Variants in KIAA1671 observed in about 807,000 individuals in gnomAD.
The protein encoded by KIAA1671 is KIAA1671.
KIAA1671 carries 52 observed loss-of-function variants against 131.2 expected under a neutral mutation model. The ratio of observed to expected loss-of-function variants is 0.40; its 90% CI spans 0.32 to 0.50. The LOEUF (loss-of-function observed/expected upper bound fraction) is 0.50, where lower values mean the gene tolerates loss of function less well. KIAA1671 is among the 20% of genes least tolerant of loss of function. KIAA1671 has a pLI of 0.73. For missense variants in KIAA1671, 2,360 were observed against 2,364.2 expected (o/e 1.00, Z 0.04); for synonymous variants, 1,003 against 961.6 (o/e 1.04, Z -0.80).
In KIAA1671 at chr22:24,986,996, G is replaced by A. The variant is rs146133558; in HGVS notation, c.-208+34224G>A. ...ACCTCTGTCACACCTGCTGACCTCC[G>A]CCGTTTACTGCACAAGCAGCCCAGA... On this transcript the variant is annotated intron_variant, in intron 1 of 12. Coordinates refer to ENST00000358431, the MANE Select transcript of KIAA1671 (RefSeq NM_001145206.2). 4.0e-3 allele frequency among the ~76,000 whole-genome samples: 601 copies of A among 151,938 alleles called. 2 individuals are homozygous for A. Among genetic ancestry groups the A allele is most frequent in the Non-Finnish European group, 7.2e-3 (490 of 67,966 alleles).
chr22:24,997,916 T>G (rs1342842637), intron 1 of KIAA1671, among the ~76,000 whole-genome samples: 2 of 152,158 alleles, frequency 1.3e-5, no homozygotes, highest in East Asian at 3.9e-4. Context: ...ACCCTAGAGC[T>G]CACTTCATAT....
Position 25,032,645 on chromosome 22 carries a change from T to C in KIAA1671, c.1578T>C (p.Tyr526=), listed in dbSNP as rs1340809901. The part of the protein sequence containing the change: ...SSSASSNEVK[Y]EKSAELSGEF... Reference sequence around the variant, plus strand: ...CAGCTTCCAGCAACGAAGTCAAATATGAGAAGAGTGCTGAGCTGAGCGGCG... The same window carrying C: ...CAGCTTCCAGCAACGAAGTCAAATACGAGAAGAGTGCTGAGCTGAGCGGCG... The change falls in exon 4 of 13, where the codon TAT becomes TAC. Residue 526 remains tyrosine (Y), a synonymous_variant. Transcript: ENST00000358431. The C allele has an allele frequency of 2.6e-6, 4 of 1,547,446 alleles. No homozygotes were observed. The highest frequency in any genetic ancestry group is 1.4e-5 in the African/African-American group (1 of 73,068).
At chr22:24,980,694 CA>C (rs1417641374) in intron 1 of KIAA1671, among the ~76,000 whole-genome samples, 2 of 152,134 alleles carry the variant, frequency 1.3e-5, no homozygotes, top group African/African-American at 4.8e-5. Flanking sequence ...TTCATACCAA[CA>C]GTGCACAAGT....
chr22:25,170,928 A>G lies in KIAA1671; in HGVS notation c.4639A>G (p.Ser1547Gly). ...QYGTWTEQCQ[S>G]GESLATESPD... ...TGGGACGTGGACAGAGCAGTGCCAGAGTGGGGAGAGGTAGGACGCGTGCGA... is the reference window on the plus strand; with the variant it reads ...TGGGACGTGGACAGAGCAGTGCCAGGGTGGGGAGAGGTAGGACGCGTGCGA... Residue 1547 changes from serine to glycine, a missense_variant, in exon 7 of 13, where the codon AGT becomes GGT. This residue lies in a region of KIAA1671 where 1,161 missense variants were observed against 1,204.7 expected (regional missense o/e 0.96). Coordinates refer to ENST00000358431, the MANE Select transcript of KIAA1671 (RefSeq NM_001145206.2). 1.3e-6 allele frequency: 2 copies of G among 1,551,580 alleles called. No individual in the cohort carries two copies. Among genetic ancestry groups the G allele is most frequent in the Admixed American group, 2.0e-5 (1 of 50,978 alleles).
intron 1 of KIAA1671, among the ~76,000 whole-genome samples, chr22:24,980,748 T>A (rs1467710626): frequency 6.6e-6 from 1 of 151,884 alleles, no homozygotes; most frequent in Non-Finnish European, 1.5e-5. Flanking sequence ...GTTGTTATTA[T>A]TATTTTTTTT....
At chr22:24,954,728 A>G (rs1051943346) in intron 1 of KIAA1671, among the ~76,000 whole-genome samples, 1 of 151,390 alleles carries the variant, frequency 6.6e-6, no homozygotes, top group East Asian at 1.9e-4. Flanking sequence ...AGCTGCCCCT[A>G]CCCCCACTGG....
chr22:25,086,731 T>G (rs1396951886), intron 6 of KIAA1671, among the ~76,000 whole-genome samples: 3 of 152,176 alleles, frequency 2.0e-5, no homozygotes, highest in African/African-American at 7.2e-5. Flanking sequence ...GCCAGAGAGC[T>G]GTTTCCATAT....
At chr22:25,034,691 G>A (rs1312091870) in intron 4 of KIAA1671, among the ~76,000 whole-genome samples, 1 of 151,888 alleles carries the variant, frequency 6.6e-6, no homozygotes, top group Non-Finnish European at 1.5e-5. Flanking sequence ...CTTTGTAAGA[G>A]CTTCTATTTC....
chr22:24,959,834 C>T (rs559857380), intron 1 of KIAA1671, among the ~76,000 whole-genome samples: 3 of 152,182 alleles, frequency 2.0e-5, no homozygotes, highest in African/African-American at 7.2e-5. Flanking sequence ...ATAGCCATGT[C>T]TCCATTAAGA....
At chr22:25,059,624 CAG>C (rs1397778094) in intron 6 of KIAA1671, 1 of 152,282 alleles carries the variant, frequency 6.6e-6, no homozygotes, top group African/African-American at 2.4e-5. Flanking sequence ...GGCCTGGTGG[CAG>C]GGGAACTAGA....
chr22:25,141,671 CTT>C (rs1459059549), intron 6 of KIAA1671, among the ~76,000 whole-genome samples: 1 of 152,168 alleles, frequency 6.6e-6, no homozygotes, highest in African/African-American at 2.4e-5. Context: ...TGACATATCT[CTT>C]TTCTAACTAC....
intron 9 of KIAA1671, among the ~76,000 whole-genome samples, chr22:25,178,128 G>A (rs1325728546): frequency 6.6e-6 from 1 of 152,194 alleles, no homozygotes; most frequent in Non-Finnish European, 1.5e-5. Context: ...CTGTGGAGAA[G>A]TGGGGGATGC....
intron 6 of KIAA1671, chr22:25,051,248 G>A (rs1927516701): frequency 6.6e-6 from 1 of 152,336 alleles, no homozygotes; most frequent in South Asian, 2.1e-4. Flanking sequence ...CAAGGAGGAG[G>A]TGGTGTTCAG....
intron 6 of KIAA1671, among the ~76,000 whole-genome samples, chr22:25,067,445 C>T (rs530899520): frequency 9.3e-4 from 141 of 152,162 alleles, no homozygotes; most frequent in Middle Eastern, 3.4e-3. Context: ...CCCTGCCTGT[C>T]GCTCTCCCAT....
intron 6 of KIAA1671, among the ~76,000 whole-genome samples, chr22:25,085,792 A>T: frequency 1.0e-5 from 1 of 99,746 alleles, no homozygotes; most frequent in Non-Finnish European, 2.0e-5. Flanking sequence ...GAAGGGAGGG[A>T]GGGAGGGAGG....
At chr22:24,997,493 C>T (rs563231756) in intron 1 of KIAA1671, among the ~76,000 whole-genome samples, 9 of 152,064 alleles carry the variant, frequency 5.9e-5, no homozygotes, top group Admixed American at 1.3e-4. Flanking sequence ...TGTCGATGTC[C>T]GGGATAAGTG....
At chr22:25,025,859 G>C (rs1925920864) in intron 2 of KIAA1671, 75 bp downstream of exon 2, 1 of 152,280 alleles carries the variant, frequency 6.6e-6, no homozygotes, top group East Asian at 1.9e-4. Context: ...TGTGAGTTCT[G>C]CCAGAGAATT....
chr22:25,082,981 T>C (rs1929491634), intron 6 of KIAA1671, among the ~76,000 whole-genome samples: 1 of 152,244 alleles, frequency 6.6e-6, no homozygotes, highest in African/African-American at 2.4e-5. Context: ...GTTGACCTAA[T>C]ATTTTGTTGC....
chr22:25,185,020 C>T lies in KIAA1671; in HGVS notation c.5243C>T (p.Thr1748Ile), dbSNP rs1291819474. The T allele has an allele frequency of 3.2e-6, 5 of 1,551,474 alleles. No individual in the cohort carries two copies. The Admixed American group carries it at 9.8e-5, about 30-fold the overall frequency. Reference sequence around the variant, plus strand: ...CCAGAGGTGGACAGTCCTGGCGAGACCCCCAGCTGGGCACCCCAACCCAAG... The same window carrying T: ...CCAGAGGTGGACAGTCCTGGCGAGATCCCCAGCTGGGCACCCCAACCCAAG... ...KRPEVDSPGE[T>I]PSWAPQPKSP... Residue 1748 changes from threonine to isoleucine, a missense_variant, in exon 11 of 13, where the codon ACC (threonine) becomes ATC (isoleucine). By Grantham distance (89) the Thr-to-Ile change is moderately conservative. Around this residue, in one of 3 missense-constraint regions of KIAA1671, gnomAD observed 1,161 missense variants for 1,204.7 expected, o/e 0.96. Transcript: ENST00000358431.
Sources: allele counts gnomAD v4.1 joint callset (sites outside exome capture counted in the v4.1 genomes callset), GRCh38; gene constraint gnomAD v4.1.1; regional missense constraint gnomAD v4.1.1; transcripts MANE v1.5; gene names NCBI Gene and HGNC (gene_info 2026-07-23, HGNC 2026-07-21).